PKHD1: variants seen among roughly 807,000 people sequenced by gnomAD.
PKHD1 encodes the protein PKHD1 ciliary IPT domain containing fibrocystin/polyductin, also known as fibrocystin.
Under a neutral mutation model 412.0 loss-of-function variants are expected in PKHD1, and 291 were observed. The observed-to-expected ratio is 0.71, with a 90% CI of 0.64 to 0.78. The LOEUF (loss-of-function observed/expected upper bound fraction) is 0.78, where lower values mean the gene tolerates loss of function less well. PKHD1 is among the 30% of genes least tolerant of loss of function. The pLI is 0.00. For synonymous variants in PKHD1, 1,777 were observed against 1,821.5 expected, an observed-to-expected ratio of 0.98 and a Z score of 0.62; for missense variants, 4,825 against 4,950.7, an observed-to-expected ratio of 0.97 and a Z score of 0.76.
intron 28 of PKHD1, among the ~76,000 whole-genome samples, chr6:52,034,508 A>G (rs550444992): frequency 6.6e-6 from 1 of 152,334 alleles, no homozygotes; most frequent in South Asian, 2.1e-4. Flanking sequence ...GCAAATATAT[A>G]TTAAAATAAT....
At chr6:51,667,554 A>T (rs1352079647) in intron 60 of PKHD1, among the ~76,000 whole-genome samples, 3 of 151,058 alleles carry the variant, frequency 2.0e-5, no homozygotes, top group Non-Finnish European at 4.4e-5. Flanking sequence ...GTTTAATTAG[A>T]TCCCATTTGT....
intron 63 of PKHD1, among the ~76,000 whole-genome samples, chr6:51,646,212 T>C (rs1408100973): frequency 6.6e-6 from 1 of 152,206 alleles, no homozygotes; most frequent in Non-Finnish European, 1.5e-5. Context: ...AATTGGACTG[T>C]GATATTGTGC....
chr6:51,852,305 AGT>A (rs1772417129), intron 49 of PKHD1, among the ~76,000 whole-genome samples: 1 of 152,106 alleles, frequency 6.6e-6, no homozygotes, highest in South Asian at 2.1e-4. Flanking sequence ...TTTGCTGAGG[AGT>A]GTTTTACTTC....
At chr6:51,891,269 T>C (rs978697262) in intron 43 of PKHD1, among the ~76,000 whole-genome samples, 3 of 152,262 alleles carry the variant, frequency 2.0e-5, no homozygotes, top group African/African-American at 4.8e-5. Context: ...GGTTTTGTTT[T>C]TTTGTTTGTT....
rs569233971 is a variant in PKHD1 at position 51,811,181 on chromosome 6, G to A, written c.8302+19680C>T. Among the ~76,000 whole-genome samples, 11 of 152,212 alleles carry A rather than the reference G, an allele frequency of 7.2e-5. No individual in the cohort carries two copies. In the South Asian group the frequency reaches 2.3e-3, roughly 32 times the overall value. On this transcript the variant is annotated intron_variant, in intron 52 of 66. Coordinates refer to ENST00000371117, the MANE Select transcript of PKHD1 (RefSeq NM_138694.4). ...ATATGGTGATTATGTGTTCCTTGAA[G>A]GTATGTTTTGCATTTTTAAAGAAGT...
chr6:51,787,634 G>GAACA (rs1179844029), intron 53 of PKHD1, among the ~76,000 whole-genome samples: 1 of 152,130 alleles, frequency 6.6e-6, no homozygotes, highest in Non-Finnish European at 1.5e-5. Context: ...TTTAGGCCTG[G>GAACA]AACACATGGA....
At chr6:51,996,037 G>C (rs563735439) in intron 35 of PKHD1, among the ~76,000 whole-genome samples, 2 of 150,302 alleles carry the variant, frequency 1.3e-5, no homozygotes, top group East Asian at 3.9e-4. Context: ...ATGGAGTCTC[G>C]CTCCGTCGCC....
chr6:51,731,897 GTTT>G (rs1783281903), intron 60 of PKHD1, among the ~76,000 whole-genome samples: 1 of 152,032 alleles, frequency 6.6e-6, no homozygotes, highest in South Asian at 2.1e-4. Context: ...ATTGGAAAAT[GTTT>G]AGGTATATTT....
chr6:51,686,417 G>T (rs1777448168), intron 60 of PKHD1, among the ~76,000 whole-genome samples: 1 of 152,032 alleles, frequency 6.6e-6, no homozygotes, highest in Non-Finnish European at 1.5e-5. Context: ...CCCCACTTGG[G>T]GACTCTGCCA....
intron 35 of PKHD1, among the ~76,000 whole-genome samples, chr6:51,999,637 T>C (rs1315063762): frequency 1.3e-5 from 2 of 152,142 alleles, no homozygotes; most frequent in African/African-American, 4.8e-5. Flanking sequence ...CAACAAGAAT[T>C]AAAAAGAGGA....
chr6:51,939,141 CT>C (rs1788028414), intron 36 of PKHD1, among the ~76,000 whole-genome samples: 1 of 151,476 alleles, frequency 6.6e-6, no homozygotes, highest in African/African-American at 2.4e-5. Flanking sequence ...GCAAGTACTG[CT>C]TTTCTGGGGG....
chr6:51,709,773 C>G (rs1780426944), intron 60 of PKHD1, among the ~76,000 whole-genome samples: 1 of 151,506 alleles, frequency 6.6e-6, no homozygotes, highest in South Asian at 2.1e-4. Context: ...GAGTTTGGAA[C>G]AGTCAATATA....
In PKHD1 at chr6:51,635,359, G is replaced by A. The variant is rs76268005; in HGVS notation, c.11507-2636C>T. Among the ~76,000 whole-genome samples, 483 of 152,176 alleles carry A rather than the reference G, an allele frequency of 3.2e-3. 10 individuals are homozygous for A. In the East Asian group the frequency reaches 0.045, roughly 14 times the overall value. On this transcript the variant is annotated intron_variant, in intron 64 of 66. Transcript: ENST00000371117. ...CCAGGCGAAATTATCTAAATCCAAGGGTGGAGACCACTGGCTCTCAATTAT... is the reference window on the plus strand; with the variant it reads ...CCAGGCGAAATTATCTAAATCCAAGAGTGGAGACCACTGGCTCTCAATTAT...
At chr6:51,635,623 A>G (rs1325675462) in intron 64 of PKHD1, among the ~76,000 whole-genome samples, 1 of 152,092 alleles carries the variant, frequency 6.6e-6, no homozygotes, top group Non-Finnish European at 1.5e-5. Flanking sequence ...CCAGGGAGTG[A>G]TAAGTGCATA....
intron 19 of PKHD1, 152 bp from the exon 20 acceptor site, chr6:52,054,317 C>A: frequency 1.5e-6 from 1 of 668,716 alleles, no homozygotes; most frequent in South Asian, 1.9e-5. Context: ...CCAGTGTAGC[C>A]AGAGAGACAA....
intron 64 of PKHD1, among the ~76,000 whole-genome samples, chr6:51,638,464 G>T (rs1344576965): frequency 6.6e-6 from 1 of 152,052 alleles, no homozygotes; most frequent in East Asian, 1.9e-4. Context: ...CATTTGGCAG[G>T]GGGTTGAGGA....
At chr6:51,754,720 T>G in intron 56 of PKHD1, 64 bp downstream of exon 56, 1 of 1,415,656 alleles carries the variant, frequency 7.1e-7, no homozygotes, top group East Asian at 2.3e-5. Context: ...GGTCCCCAGC[T>G]AGGTTACCAA....
In PKHD1 at chr6:51,869,578, T is replaced by C. The variant is rs188215832; in HGVS notation, c.7486+926A>G. On this transcript the variant is annotated intron_variant, in intron 47 of 66. Coordinates refer to ENST00000371117, the MANE Select transcript of PKHD1 (RefSeq NM_138694.4). ...GAAAAGAGGGGTTAGCCAATACTAT[T>C]CAGTGAAAAGGGATTAGAGTTCATA... Among the ~76,000 whole-genome samples, 22 of 152,246 alleles carry C rather than the reference T, an allele frequency of 1.4e-4. No homozygotes were observed. In the East Asian group the frequency reaches 4.0e-3, roughly 28 times the overall value.
intron 61 of PKHD1, among the ~76,000 whole-genome samples, chr6:51,653,156 T>C (rs1165298295): frequency 1.3e-5 from 2 of 152,132 alleles, no homozygotes; most frequent in Admixed American, 1.3e-4. Context: ...TGCAAAGATA[T>C]AGAACACTGT....
Sources: allele counts gnomAD v4.1 joint callset (sites outside exome capture counted in the v4.1 genomes callset), GRCh38; gene constraint gnomAD v4.1.1; transcripts MANE v1.5; gene names NCBI Gene and HGNC (gene_info 2026-07-23, HGNC 2026-07-21).